Variants in CAMK1D observed in about 807,000 individuals in gnomAD.
CAMK1D encodes calcium/calmodulin-dependent protein kinase type 1D.
A neutral mutation model predicts 47.7 loss-of-function variants in CAMK1D; 9 were observed. That is an observed-to-expected ratio of 0.19 (90% CI 0.11 to 0.33). CAMK1D has a LOEUF of 0.33. Ranked by LOEUF, CAMK1D falls within the 10% of genes least tolerant of loss-of-function variation. The pLI is 1.00. For missense variants in CAMK1D, 291 were observed against 488.7 expected (o/e 0.60, Z 3.81); for synonymous variants, 184 against 184.9 (o/e 0.99, Z 0.04).
At position 12,644,548 on chromosome 10, in the gene CAMK1D, C is replaced by T. The variant is rs1839763287; in HGVS notation, c.225-22188C>T. Among the ~76,000 whole-genome samples the T allele has an allele frequency of 3.3e-5, 5 of 152,284 alleles. No individual in the cohort carries two copies. In the South Asian group the frequency reaches 8.3e-4, roughly 25 times the overall value. On this transcript the variant is annotated intron_variant, in intron 2 of 10. Transcript: ENST00000619168. ...TAGTTTTCTCTCCCTGGTCACTGCA[C>T]CTGGCGATGCTTAGTTCATGCTTAG...
At chr10:12,796,702 G>C (rs1448892499) in intron 6 of CAMK1D, among the ~76,000 whole-genome samples, 1 of 152,170 alleles carries the variant, frequency 6.6e-6, no homozygotes, top group Admixed American at 6.5e-5. Flanking sequence ...ACTGTTCACT[G>C]ATGTGGCCAG....
rs1588895401 is a variant in CAMK1D at position 12,760,955 on chromosome 10, G to A, written c.307G>A (p.Gly103Ser). 1.2e-6 allele frequency: 2 copies of A among 1,613,288 alleles called. No homozygotes were observed. The highest frequency in any genetic ancestry group is 1.7e-6 in the Non-Finnish European group (2 of 1,179,360). The part of the protein sequence containing the change: ...HLYLVMQLVS[G>S]GELFDRIVEK... ...TATGTTCTTTTTTGCCAGGGTGTCC[G>A]GTGGAGAGCTGTTTGACCGGATAGT... Residue 103 changes from glycine to serine, a missense_variant, in exon 4 of 11, where the codon GGT (glycine) becomes AGT (serine). Around this residue, in one of 2 missense-constraint regions of CAMK1D, gnomAD observed 219 missense variants for 424.3 expected, o/e 0.52. Coordinates refer to ENST00000619168, the MANE Select transcript of CAMK1D (RefSeq NM_153498.4).
intron 4 of CAMK1D, among the ~76,000 whole-genome samples, chr10:12,763,957 C>A (rs1359670713): frequency 6.6e-6 from 1 of 152,320 alleles, no homozygotes; most frequent in South Asian, 2.1e-4. Context: ...GCCCCCACCC[C>A]CACAGCCCTC....
chr10:12,746,096 G>A (rs954489139), intron 3 of CAMK1D, among the ~76,000 whole-genome samples: 3 of 152,086 alleles, frequency 2.0e-5, no homozygotes, highest in African/African-American at 7.3e-5. Flanking sequence ...CCCGATGCCG[G>A]TGATGCCTGT....
chr10:12,693,099 C>T (rs1170778840), intron 3 of CAMK1D, among the ~76,000 whole-genome samples: 1 of 152,150 alleles, frequency 6.6e-6, no homozygotes, highest in Non-Finnish European at 1.5e-5. Context: ...CTTGGTGGCT[C>T]ACACCTGTAA....
chr10:12,612,172 C>T (rs949105968), intron 2 of CAMK1D, among the ~76,000 whole-genome samples: 4 of 152,064 alleles, frequency 2.6e-5, no homozygotes, highest in African/African-American at 7.2e-5. Context: ...ATGGAGCTTC[C>T]ACTTCCAAAA....
At chr10:12,459,823 A>C (rs1234475561) in intron 1 of CAMK1D, among the ~76,000 whole-genome samples, 1 of 152,214 alleles carries the variant, frequency 6.6e-6, no homozygotes, top group Non-Finnish European at 1.5e-5. Flanking sequence ...GTGAAACTTG[A>C]GAAATAATGA....
At chr10:12,412,716 G>A (rs950599986) in intron 1 of CAMK1D, among the ~76,000 whole-genome samples, 1 of 145,484 alleles carries the variant, frequency 6.9e-6, no homozygotes, top group African/African-American at 2.6e-5. Context: ...AAAAAAAAGA[G>A]TGGAACAGGT....
intron 1 of CAMK1D, among the ~76,000 whole-genome samples, chr10:12,510,925 G>A (rs140198576): frequency 8.9e-4 from 135 of 152,334 alleles, no homozygotes; most frequent in Middle Eastern, 6.8e-3. Flanking sequence ...GCTCTGCTAA[G>A]AAACGGAGAC....
At chr10:12,810,517 T>G (rs1175572262) in intron 6 of CAMK1D, among the ~76,000 whole-genome samples, 3 of 152,162 alleles carry the variant, frequency 2.0e-5, no homozygotes, top group Non-Finnish European at 4.4e-5. Flanking sequence ...TCAGGTGATC[T>G]CCTCGCCTTG....
At chr10:12,593,960 T>TGAGGTCAGGAGTTC (rs1217682475) in intron 2 of CAMK1D, among the ~76,000 whole-genome samples, 18 of 152,194 alleles carry the variant, frequency 1.2e-4, no homozygotes, top group Non-Finnish European at 1.8e-4. Context: ...GTGGATCACT[T>TGAGGTCAGGAGTTC]GAGGTCAGGA....
At chr10:12,784,466 G>A (rs192108496) in intron 5 of CAMK1D, among the ~76,000 whole-genome samples, 118 of 152,242 alleles carry the variant, frequency 7.8e-4, no homozygotes, top group East Asian at 6.0e-3. Flanking sequence ...CCAAAGTGCT[G>A]GGATTACAGG....
intron 1 of CAMK1D, among the ~76,000 whole-genome samples, chr10:12,388,947 C>T (rs932113175): frequency 2.0e-5 from 3 of 152,158 alleles, no homozygotes; most frequent in Non-Finnish European, 4.4e-5. Context: ...GCGTGGCTTG[C>T]GATTTCACTT....
At chr10:12,392,998 C>G (rs766387821) in intron 1 of CAMK1D, among the ~76,000 whole-genome samples, 1 of 137,746 alleles carries the variant, frequency 7.3e-6, no homozygotes, top group South Asian at 2.4e-4. Flanking sequence ...GACTGCTCAT[C>G]GACTGTCATG....
chr10:12,515,521 A>G (rs1234325155), intron 1 of CAMK1D, among the ~76,000 whole-genome samples: 2 of 129,144 alleles, frequency 1.5e-5, no homozygotes. Flanking sequence ...GCACCCACTA[A>G]CTCGTCATCT....
chr10:12,388,570 G>T (rs990145607), intron 1 of CAMK1D, among the ~76,000 whole-genome samples: 8 of 152,182 alleles, frequency 5.3e-5, no homozygotes, highest in African/African-American at 1.9e-4. Context: ...CTCTGTTGGG[G>T]GCTGTTAAGA....
intron 3 of CAMK1D, among the ~76,000 whole-genome samples, chr10:12,672,651 G>T (rs181390597): frequency 1.3e-5 from 2 of 152,148 alleles, no homozygotes; most frequent in African/African-American, 4.8e-5. Context: ...GATTACAGAC[G>T]TGAGCCACTG....
intron 1 of CAMK1D, among the ~76,000 whole-genome samples, chr10:12,516,741 T>A (rs1455677433): frequency 6.6e-6 from 1 of 152,236 alleles, no homozygotes. Context: ...TAATAACTTA[T>A]GAGTTTGAGC....
intron 1 of CAMK1D, among the ~76,000 whole-genome samples, chr10:12,527,214 A>C (rs994355974): frequency 6.6e-6 from 1 of 152,126 alleles, no homozygotes; most frequent in African/African-American, 2.4e-5. Flanking sequence ...GAAAAAAAGA[A>C]AAAAATTTCC....
Sources: allele counts gnomAD v4.1 joint callset (sites outside exome capture counted in the v4.1 genomes callset), GRCh38; gene constraint gnomAD v4.1.1; regional missense constraint gnomAD v4.1.1; transcripts MANE v1.5; gene names NCBI Gene and HGNC (gene_info 2026-07-23, HGNC 2026-07-21).